Variants in KIDINS220 observed in about 807,000 individuals in gnomAD.
KIDINS220 encodes kinase D-interacting substrate of 220 kDa.
In KIDINS220, 63 loss-of-function variants were observed where a neutral mutation model predicts 157.6. The ratio of observed to expected loss-of-function variants is 0.40; its 90% CI spans 0.33 to 0.49. The LOEUF (loss-of-function observed/expected upper bound fraction) is 0.49, where lower values mean the gene tolerates loss of function less well. Ranked by LOEUF, KIDINS220 falls within the 20% of genes least tolerant of loss-of-function variation. The pLI is 0.66. For missense variants in KIDINS220, 1,772 were observed against 2,171.2 expected, an observed-to-expected ratio of 0.82 and a Z score of 3.65; for synonymous variants, 732 against 783.6, an observed-to-expected ratio of 0.93 and a Z score of 1.10.
downstream of KIDINS220, chr2:8,726,768 TA>T: frequency 2.3e-6 from 1 of 435,476 alleles, no homozygotes; most frequent in African/African-American, 2.1e-5. Flanking sequence ...AAAAGGACGG[TA>T]AAAATATAGT....
intron 2 of KIDINS220, 57 bp downstream of exon 2, chr2:8,826,929 T>G: frequency 1.1e-6 from 1 of 926,848 alleles, no homozygotes; most frequent in Non-Finnish European, 1.8e-6. Flanking sequence ...ATCCTATACA[T>G]AGCAGGCAGT....
At chr2:8,735,421 A>G (rs1344539221) in intron 27 of KIDINS220, among the ~76,000 whole-genome samples, 3 of 152,144 alleles carry the variant, frequency 2.0e-5, no homozygotes, top group African/African-American at 7.2e-5. Flanking sequence ...AGTCCCAGCT[A>G]CTTGGGAGGC....
intron 14 of KIDINS220, 106 bp from the exon 15 acceptor site, chr2:8,788,918 C>G (rs1372103491): frequency 1.2e-5 from 11 of 925,134 alleles, no homozygotes; most frequent in Non-Finnish European, 1.8e-5. Context: ...TACATAGCTT[C>G]CTATGGTCCC....
chr2:8,812,447 T>C lies in KIDINS220; in HGVS notation c.452A>G (p.Asp151Gly). ...ATTTTGCAGTAAAAGATGAACTATATCTGCATGGCCTCTCCCTGCTGCCCA... is the reference window on the plus strand; with the variant it reads ...ATTTTGCAGTAAAAGATGAACTATACCTGCATGGCCTCTCCCTGCTGCCCA... ...IIWAAGRGHA[D>G]IVHLLLQNGA... Residue 151 changes from aspartate (D) to glycine (G), a missense_variant, in exon 6 of 30, where the codon GAT becomes GGT. Asp to Gly is a moderately conservative substitution (Grantham distance 94). Transcript: ENST00000256707. 1 of 1,599,238 alleles carries C rather than the reference T, an allele frequency of 6.3e-7. No individual in the cohort carries two copies. Among genetic ancestry groups the C allele is most frequent in the Non-Finnish European group, 8.5e-7 (1 of 1,172,692 alleles).
chr2:8,722,832 C>T (rs1464411024), downstream of KIDINS220: 1 of 152,122 alleles, frequency 6.6e-6, no homozygotes, highest in Non-Finnish European at 1.5e-5. Flanking sequence ...TACACTCAAG[C>T]CTGGGCGAGA....
chr2:8,823,150 T>C (rs555572463), intron 2 of KIDINS220, among the ~76,000 whole-genome samples: 3 of 152,144 alleles, frequency 2.0e-5, no homozygotes, highest in Non-Finnish European at 2.9e-5. Flanking sequence ...TTTTTAGAAG[T>C]AGGGTCTCAC....
intron 2 of KIDINS220, among the ~76,000 whole-genome samples, chr2:8,822,182 A>G (rs1357016173): frequency 6.6e-6 from 1 of 152,202 alleles, no homozygotes; most frequent in Admixed American, 6.5e-5. Context: ...CCCAATTTCT[A>G]GGTTCCCATT....
intron 26 of KIDINS220, among the ~76,000 whole-genome samples, chr2:8,738,970 ATCTC>A (rs901879402): frequency 1.3e-5 from 2 of 152,178 alleles, no homozygotes; most frequent in African/African-American, 4.8e-5. Context: ...AAATCCCGAA[ATCTC>A]TCTACTTCCG....
chr2:8,751,353 G>C (rs1236923222), intron 23 of KIDINS220, 113 bp downstream of exon 23: 1 of 821,218 alleles, frequency 1.2e-6, no homozygotes, highest in East Asian at 2.6e-5. Context: ...GTAGTGCTTA[G>C]TTCAATACCT....
intron 24 of KIDINS220, chr2:8,749,314 T>C (rs1479261219): frequency 4.7e-6 from 2 of 428,184 alleles, no homozygotes; most frequent in Non-Finnish European, 9.3e-6. Flanking sequence ...CTAGGTCCTA[T>C]GTTTTCTCGA....
intron 21 of KIDINS220, among the ~76,000 whole-genome samples, chr2:8,775,516 T>C (rs570801248): frequency 1.3e-5 from 2 of 152,276 alleles, no homozygotes; most frequent in African/African-American, 4.8e-5. Flanking sequence ...ATCAACACAC[T>C]GTCAAACACC....
In KIDINS220 at chr2:8,803,002, T is replaced by C. The variant is rs774961531; in HGVS notation, c.729A>G (p.Ala243=). ...DKDGNTALMI[A]SKEGHTEIVQ... ...CAATCTCCGTATGTCCCTCCTTTGATGCAATCATCAAAGCTGTATTTCCAT... is the reference window on the plus strand; with the variant it reads ...CAATCTCCGTATGTCCCTCCTTTGACGCAATCATCAAAGCTGTATTTCCAT... The change falls in exon 8 of 30, where the codon GCA becomes GCG. Residue 243 remains alanine (A), a synonymous_variant. Transcript: ENST00000256707. 2 of 1,613,946 alleles carry C rather than the reference T, an allele frequency of 1.2e-6. No individual in the cohort carries two copies. The highest frequency in any genetic ancestry group is 3.3e-5 in the Admixed American group (2 of 60,010).
chr2:8,722,233 T>C (rs1166483633), downstream of KIDINS220: 1 of 152,158 alleles, frequency 6.6e-6, no homozygotes, highest in Non-Finnish European at 1.5e-5. Flanking sequence ...TTCTAACAAG[T>C]CAGAATACAA....
rs114779680 is a variant in KIDINS220 at position 8,759,254 on chromosome 2, G to A, written c.3012-7610C>T. Among the ~76,000 whole-genome samples the A allele has an allele frequency of 6.2e-3, 948 of 152,162 alleles. 16 individuals carry two copies. Among genetic ancestry groups the A allele is most frequent in the African/African-American group, 0.022 (895 of 41,504 alleles). On this transcript the variant is annotated intron_variant, in intron 22 of 29. Transcript: ENST00000256707. ...GTGTTTGACTTATGTGTTTAAGGACGGTGTGATTAGGGTTAAATAGTGCAA... is the reference window on the plus strand; with the variant it reads ...GTGTTTGACTTATGTGTTTAAGGACAGTGTGATTAGGGTTAAATAGTGCAA...
intron 26 of KIDINS220, 75 bp downstream of exon 26, chr2:8,747,070 C>T: frequency 2.2e-6 from 3 of 1,352,126 alleles, no homozygotes; most frequent in South Asian, 1.2e-5. Flanking sequence ...CTGCTATCAT[C>T]ACAATTAAGA....
chr2:8,755,385 C>T (rs1261308305), intron 22 of KIDINS220, among the ~76,000 whole-genome samples: 1 of 152,172 alleles, frequency 6.6e-6, no homozygotes, highest in African/African-American at 2.4e-5. Context: ...GTTTATCTCC[C>T]AATCTAGACT....
At chr2:8,764,368 C>A (rs995341542) in intron 22 of KIDINS220, among the ~76,000 whole-genome samples, 5 of 152,098 alleles carry the variant, frequency 3.3e-5, no homozygotes, top group Non-Finnish European at 5.9e-5. Context: ...CAACAAAAAA[C>A]CACTTGTACT....
In KIDINS220 at chr2:8,812,425, T is replaced by C. The variant is rs1676452998; in HGVS notation, c.474A>G (p.Gln158=). ...GHADIVHLLL[Q]NGAKVNCSDK... is the part of the protein sequence containing the mutation. ...CAGAGCAGTTGACTTTAGCACCATT[T>C]TGCAGTAAAAGATGAACTATATCTG... The change falls in exon 6 of 30, where the codon CAA becomes CAG. Residue 158 remains glutamine (Q), a synonymous_variant. Coordinates refer to ENST00000256707, the MANE Select transcript of KIDINS220 (RefSeq NM_020738.4). 5 of 1,599,362 alleles carry C rather than the reference T, an allele frequency of 3.1e-6. No individual in the cohort carries two copies. The highest frequency in any genetic ancestry group is 1.1e-5 in the South Asian group (1 of 89,020).
chr2:8,781,871 C>T (rs1292029372), intron 17 of KIDINS220, among the ~76,000 whole-genome samples: 1 of 152,146 alleles, frequency 6.6e-6, no homozygotes, highest in African/African-American at 2.4e-5. Flanking sequence ...CCTATAATCC[C>T]AGCACTTTGG....
Sources: gnomAD v4.1 joint callset for allele counts (sites outside exome capture counted in the v4.1 genomes callset) on GRCh38, gnomAD v4.1.1 for gene constraint, MANE v1.5 for transcripts, NCBI Gene and HGNC (gene_info 2026-07-23, HGNC 2026-07-21) for gene names.